The following STRIP2 variants were observed in gnomAD, a reference collection of about 807,000 sequenced individuals.
STRIP2 encodes the protein striatin interacting protein 2, also known as striatin-interacting protein 2.
In STRIP2, 84 loss-of-function variants were observed where a neutral mutation model predicts 107.1. That is an observed-to-expected ratio of 0.78 (90% CI 0.66 to 0.94). STRIP2 has a LOEUF of 0.94. STRIP2 is among the 40% of genes least tolerant of loss of function. The probability of loss-of-function intolerance (pLI) is 0.00; values close to 1 mark genes in which losing one functional copy is unlikely to be tolerated. For missense variants in STRIP2, 888 were observed against 1,034.2 expected, an observed-to-expected ratio of 0.86 and a Z score of 1.94; for synonymous variants, 394 against 400.4, an observed-to-expected ratio of 0.98 and a Z score of 0.19.
At chr7:129,485,433 T>C (rs1799220438) in intron 20 of STRIP2, 146 bp from the exon 21 acceptor site, 6 of 851,150 alleles carry the variant, frequency 7.0e-6, no homozygotes, top group Non-Finnish European at 1.0e-5. Flanking sequence ...TGCTGTATAC[T>C]AACTTCATAC....
At chr7:129,447,950 A>G (rs187296916) in intron 3 of STRIP2, among the ~76,000 whole-genome samples, 1 of 152,322 alleles carries the variant, frequency 6.6e-6, no homozygotes, top group East Asian at 1.9e-4. Flanking sequence ...TGATGATGGC[A>G]CTGATCTCCA....
chr7:129,439,390 C>A (rs187906215), intron 1 of STRIP2, among the ~76,000 whole-genome samples: 2 of 152,176 alleles, frequency 1.3e-5, no homozygotes, highest in East Asian at 3.9e-4. Flanking sequence ...TGAACATATA[C>A]AGGAAGGAAA....
chr7:129,438,753 G>A (rs989246053), intron 1 of STRIP2, among the ~76,000 whole-genome samples: 7 of 152,076 alleles, frequency 4.6e-5, no homozygotes, highest in South Asian at 2.1e-4. Context: ...CAAATTAAGC[G>A]GTTATCATGA....
intron 18 of STRIP2, chr7:129,477,890 C>T (rs1363138941): frequency 6.4e-5 from 32 of 502,622 alleles, no homozygotes; most frequent in Non-Finnish European, 2.0e-5. Context: ...CAAAGCTCAC[C>T]CTCCTGAGTT....
At chr7:129,455,116 A>T in intron 7 of STRIP2, 128 bp from the exon 8 acceptor site, 1 of 1,197,524 alleles carries the variant, frequency 8.4e-7, no homozygotes, top group South Asian at 1.6e-5. Context: ...CCTTCTCAGG[A>T]CCAAGTACTC....
chr7:129,458,904 A>T lies in STRIP2; in HGVS notation c.1340+127A>T. 2 of 741,584 alleles carry T rather than the reference A, an allele frequency of 2.7e-6. No individual in the cohort carries two copies. Among genetic ancestry groups the T allele is most frequent in the Non-Finnish European group, 2.3e-6 (1 of 440,320 alleles). The allele number at this position is 741,584 out of a possible 1,614,324, so 45.9% of individuals were successfully genotyped here. A position where few individuals can be genotyped will look rare whatever the true frequency, so the allele number is the denominator to read the frequency against. On this transcript the variant is annotated intron_variant, in intron 11 of 20. Coordinates refer to ENST00000249344, the MANE Select transcript of STRIP2 (RefSeq NM_020704.3). The surrounding 1 kb of genome is among the most constrained non-coding windows in gnomAD (Gnocchi z 4.6). ...ACCTAGAGCCCCTAGGCCATGGACA[A>T]CTCCCAGTGACTACTTTGGGTTCTT...
At position 129,483,299 on chromosome 7, in the gene STRIP2, C is replaced by A; in HGVS notation, c.2254+253C>A. ...AATTGAGAGATAATTAATTGCCTTT[C>A]CAAAACATTCTTTTAAATGACAGCT... On this transcript the variant is annotated intron_variant, in intron 20 of 20. Coordinates refer to ENST00000249344, the MANE Select transcript of STRIP2 (RefSeq NM_020704.3). The surrounding 1 kb of genome is among the most constrained non-coding windows in gnomAD (Gnocchi z 5.1). 1.7e-6 allele frequency: 2 copies of A among 1,205,286 alleles called. No homozygotes were observed. Among genetic ancestry groups the A allele is most frequent in the Non-Finnish European group, 2.1e-6 (2 of 966,200 alleles). The allele number at this position is 1,205,286 out of a possible 1,614,324, so 74.7% of individuals were successfully genotyped here. A position where few individuals can be genotyped will look rare whatever the true frequency, so the allele number is the denominator to read the frequency against.
intron 12 of STRIP2, 36 bp downstream of exon 12, chr7:129,459,616 G>A (rs1037370527): frequency 7.6e-6 from 12 of 1,580,468 alleles, no homozygotes; most frequent in Non-Finnish European, 1.0e-5. Context: ...CAGGGATAGG[G>A]AGCCATCAAA....
rs769156267 is a variant in STRIP2 at position 129,455,258 on chromosome 7, AAT to A, written c.722_723del (p.Asn241ArgfsTer44). 2 of 1,613,308 alleles carry A rather than the reference AAT, an allele frequency of 1.2e-6. No homozygotes were observed. The highest frequency in any genetic ancestry group is 1.7e-4 in the Middle Eastern group (1 of 6,060). The stretch of plus-strand genomic sequence containing the variant: ...CTCACCCCTAGGCTTCTCCATGCAT[AAT>A]GAGGAGCCTTTTGCCCTTTTACTCT... The part of the protein sequence containing the change: ...FRTELSFSMH[N>X]EEPFALLLFS... On this transcript the variant is annotated frameshift_variant, in exon 8 of 21. Coordinates refer to ENST00000249344, the MANE Select transcript of STRIP2 (RefSeq NM_020704.3). LOFTEE classifies it high-confidence loss of function.
At chr7:129,465,703 T>A (rs973149423) in intron 16 of STRIP2, among the ~76,000 whole-genome samples, 4 of 152,154 alleles carry the variant, frequency 2.6e-5, no homozygotes, top group Non-Finnish European at 2.9e-5. Context: ...CGTAAAACAT[T>A]GTTTGCCATG....
Position 129,463,022 on chromosome 7 carries a change from C to T in STRIP2, c.1533C>T (p.Tyr511=), listed in dbSNP as rs746244003. 8 of 1,613,738 alleles carry T rather than the reference C, an allele frequency of 5.0e-6. No homozygotes were observed. The highest frequency in any genetic ancestry group is 6.8e-6 in the Non-Finnish European group (8 of 1,179,796). ...AAATCCTCTACCAGGGAATGCTGTA[C>T]AGCCTTCCGCAGTATATGGTAAGGA... The part of the protein sequence containing the change: ...PCEILYQGML[Y]SLPQYMIALL... Residue 511 remains tyrosine (Y), a synonymous_variant, in exon 14 of 21, where the codon TAC becomes TAT. Transcript: ENST00000249344.
At chr7:129,439,705 T>A (rs1233582808) in intron 1 of STRIP2, among the ~76,000 whole-genome samples, 1 of 152,226 alleles carries the variant, frequency 6.6e-6, no homozygotes, top group African/African-American at 2.4e-5. Context: ...ATCAGCTAGA[T>A]GCTCCTCTGG....
intron 4 of STRIP2, among the ~76,000 whole-genome samples, chr7:129,452,599 C>T (rs1798225817): frequency 1.3e-5 from 2 of 152,210 alleles, no homozygotes; most frequent in Admixed American, 6.5e-5. Flanking sequence ...GTTTCCCTGG[C>T]TGGTCTTGAA....
chr7:129,485,765 T>C lies in STRIP2; in HGVS notation c.2441T>C (p.Leu814Pro), dbSNP rs1303791985. The C allele has an allele frequency of 6.2e-7, 1 of 1,614,086 alleles. No individual in the cohort carries two copies. Among genetic ancestry groups the C allele is most frequent in the Non-Finnish European group, 8.5e-7 (1 of 1,180,046 alleles). ...LPEDFHYSYE[L>P]WLEREVFSQP... ...GAAGATTTCCACTATTCATATGAGC[T>C]CTGGCTCGAGAGAGAGGTGTTTTCA... The change falls in exon 21 of 21, where the codon CTC (leucine) becomes CCC (proline). Residue 814 changes from leucine (L) to proline (P), a missense_variant. Leu to Pro is a moderately conservative substitution (Grantham distance 98). Coordinates refer to ENST00000249344, the MANE Select transcript of STRIP2 (RefSeq NM_020704.3).
chr7:129,482,454 T>C (rs1799150029), intron 19 of STRIP2, among the ~76,000 whole-genome samples: 1 of 145,444 alleles, frequency 6.9e-6, no homozygotes, highest in South Asian at 2.3e-4. Context: ...CTCAGCTCAC[T>C]GCAACCTCCG....
chr7:129,444,705 A>G (rs1797988716), intron 3 of STRIP2, among the ~76,000 whole-genome samples: 1 of 152,176 alleles, frequency 6.6e-6, no homozygotes, highest in South Asian at 2.1e-4. Context: ...ATAATCTTCA[A>G]TTAAAGACAA....
chr7:129,443,949 C>A, intron 2 of STRIP2, 75 bp from the exon 3 acceptor site: 2 of 1,125,792 alleles, frequency 1.8e-6, no homozygotes, highest in Non-Finnish European at 1.3e-6. Context: ...TCAGCTCTTT[C>A]ATGCCACCCT....
intron 1 of STRIP2, among the ~76,000 whole-genome samples, chr7:129,436,083 C>A (rs139005221): frequency 6.6e-6 from 1 of 152,228 alleles, no homozygotes; most frequent in East Asian, 1.9e-4. Flanking sequence ...TCTTTTAGGG[C>A]ACCCTGTACC....
In STRIP2 at chr7:129,459,507, C is replaced by T. The variant is rs187625610; in HGVS notation, c.1341-10C>T. The T allele has an allele frequency of 1.4e-5, 22 of 1,613,324 alleles. No individual in the cohort carries two copies. The highest frequency in any genetic ancestry group is 1.7e-5 in the Non-Finnish European group (20 of 1,179,466). On this transcript the variant is annotated splice_polypyrimidine_tract_variant and intron_variant, in intron 11 of 20. Coordinates refer to ENST00000249344, the MANE Select transcript of STRIP2 (RefSeq NM_020704.3). Reference sequence around the variant, plus strand: ...GAAGCTTATGATCTGGTATGTCTGGCCTTTTACAGGGACACAGATACATTG... The same window carrying T: ...GAAGCTTATGATCTGGTATGTCTGGTCTTTTACAGGGACACAGATACATTG...
Sources: allele counts gnomAD v4.1 joint callset (sites outside exome capture counted in the v4.1 genomes callset), GRCh38; gene constraint gnomAD v4.1.1; non-coding constraint Gnocchi (gnomAD v3.1); transcripts MANE v1.5; gene names NCBI Gene and HGNC (gene_info 2026-07-23, HGNC 2026-07-21).